Variants in CAMK2D observed in about 807,000 individuals in gnomAD.
The protein encoded by CAMK2D is calcium/calmodulin dependent protein kinase II delta, also known as calcium/calmodulin-dependent protein kinase type II subunit delta.
Under a neutral mutation model 84.0 loss-of-function variants are expected in CAMK2D, and 37 were observed. The ratio of observed to expected loss-of-function variants is 0.44; its 90% CI spans 0.34 to 0.58. The LOEUF is 0.58. CAMK2D is among the 20% of genes least tolerant of loss of function. The probability of loss-of-function intolerance (pLI) is 0.02; values close to 1 mark genes in which losing one functional copy is unlikely to be tolerated. For missense variants in CAMK2D, 448 were observed against 652.5 expected (o/e 0.69, Z 3.41); for synonymous variants, 202 against 212.5 (o/e 0.95, Z 0.43).
chr4:113,471,556 C>T lies in CAMK2D; in HGVS notation c.1136-5952G>A, dbSNP rs1232540390. 2.6e-5 allele frequency among the ~76,000 whole-genome samples: 4 copies of T among 152,228 alleles called. No individual in the cohort carries two copies. In the East Asian group the frequency reaches 5.8e-4, roughly 22 times the overall value. ...GTGGCATCATAATCTACTCAGCTGC[C>T]CAAACTGGAAGCCTTGCTATCTCCT... On this transcript the variant is annotated intron_variant, in intron 16 of 20. Transcript: ENST00000511664.
rs555140153 is a variant in CAMK2D, at chr4:113,545,466, G to T, written c.414+2178C>A. On this transcript the variant is annotated intron_variant, in intron 6 of 20. Coordinates refer to ENST00000511664, the MANE Select transcript of CAMK2D (RefSeq NM_001321571.2). ...TAGTAAAGGCAAGTTTTTGTTTAAG[G>T]CCTGGTAATAAAAAATTTCAGCACT... is the stretch of plus-strand genomic sequence containing the variant. 2.4e-4 allele frequency among the ~76,000 whole-genome samples: 37 copies of T among 152,204 alleles called. No homozygotes were observed. In the South Asian group the frequency reaches 4.4e-3, roughly 18 times the overall value.
chr4:113,654,257 T>C (rs1478715979), intron 3 of CAMK2D, among the ~76,000 whole-genome samples: 1 of 151,928 alleles, frequency 6.6e-6, no homozygotes, highest in Non-Finnish European at 1.5e-5. Context: ...GAAAAGAAAA[T>C]TATATAGATC....
chr4:113,692,827 C>T (rs1341418416), intron 2 of CAMK2D, among the ~76,000 whole-genome samples: 3 of 151,318 alleles, frequency 2.0e-5, no homozygotes, highest in Admixed American at 6.6e-5. Context: ...TGATATATTC[C>T]CTGGATACAA....
chr4:113,590,601 T>C (rs941096728), intron 4 of CAMK2D, among the ~76,000 whole-genome samples: 1 of 152,182 alleles, frequency 6.6e-6, no homozygotes, highest in Non-Finnish European at 1.5e-5. Context: ...TATAATTTTC[T>C]TCCAGTTCTA....
chr4:113,683,185 G>A (rs747812612), intron 2 of CAMK2D, among the ~76,000 whole-genome samples: 1 of 152,128 alleles, frequency 6.6e-6, no homozygotes, highest in Admixed American at 6.5e-5. Context: ...CTCAACTCCA[G>A]GTAATAGGCT....
intron 10 of CAMK2D, among the ~76,000 whole-genome samples, chr4:113,514,476 T>G (rs116268828): frequency 0.023 from 3,436 of 152,274 alleles, 75 homozygotes; most frequent in Non-Finnish European, 0.037. Context: ...TCAAATTATC[T>G]TTATTTTAAT....
chr4:113,556,140 C>G (rs1325962435), intron 4 of CAMK2D, among the ~76,000 whole-genome samples: 2 of 152,160 alleles, frequency 1.3e-5, no homozygotes, highest in Admixed American at 1.3e-4. Flanking sequence ...AAGTGCTGTT[C>G]TAAGTGCTCT....
intron 7 of CAMK2D, among the ~76,000 whole-genome samples, chr4:113,535,552 C>A (rs1473209942): frequency 6.6e-6 from 1 of 152,138 alleles, no homozygotes; most frequent in Non-Finnish European, 1.5e-5. Flanking sequence ...AATCCAAATC[C>A]TTCAAAAAAA....
At chr4:113,668,417 G>A (rs1220658666) in intron 2 of CAMK2D, among the ~76,000 whole-genome samples, 3 of 152,062 alleles carry the variant, frequency 2.0e-5, no homozygotes, top group Non-Finnish European at 4.4e-5. Flanking sequence ...TCCATAACAT[G>A]GGCATAAAAT....
At position 113,677,270 on chromosome 4, in the gene CAMK2D, T is replaced by C. The variant is rs145793471; in HGVS notation, c.161-15498A>G. On this transcript the variant is annotated intron_variant, in intron 2 of 20. Coordinates refer to ENST00000511664, the MANE Select transcript of CAMK2D (RefSeq NM_001321571.2). ...ATACTTGACCCATTTGTGATTTCTA[T>C]TTAGCTGAAAGATTTTTTTTAATGC... is the stretch of plus-strand genomic sequence containing the variant. 4.5e-3 allele frequency among the ~76,000 whole-genome samples: 678 copies of C among 152,278 alleles called. 6 individuals carry two copies. The highest frequency in any genetic ancestry group is 6.8e-3 in the Middle Eastern group (2 of 294).
chr4:113,661,083 C>A (rs2099229374), intron 3 of CAMK2D, among the ~76,000 whole-genome samples: 1 of 152,198 alleles, frequency 6.6e-6, no homozygotes, highest in Admixed American at 6.5e-5. Flanking sequence ...GCATGAGCCA[C>A]CGCGCCCGGC....
intron 2 of CAMK2D, among the ~76,000 whole-genome samples, chr4:113,679,185 G>GA (rs796090542): frequency 2.7e-5 from 4 of 149,246 alleles, no homozygotes; most frequent in South Asian, 2.1e-4. Flanking sequence ...ATGGAAAGGT[G>GA]AAAAAAAAAT....
intron 2 of CAMK2D, chr4:113,677,446 G>C (rs2099323029): frequency 5.3e-6 from 1 of 189,898 alleles, no homozygotes; most frequent in African/African-American, 2.4e-5. Flanking sequence ...CAGGAAGAAG[G>C]GGTATCAACA....
chr4:113,580,548 T>C (rs758107974), intron 4 of CAMK2D, among the ~76,000 whole-genome samples: 12 of 152,186 alleles, frequency 7.9e-5, no homozygotes, highest in Non-Finnish European at 1.6e-4. Context: ...GATTACTTCC[T>C]TAGCTGTAAA....
intron 4 of CAMK2D, among the ~76,000 whole-genome samples, chr4:113,585,757 A>G (rs2098831467): frequency 6.6e-6 from 1 of 151,804 alleles, no homozygotes; most frequent in African/African-American, 2.4e-5. Flanking sequence ...ATAGTATAGT[A>G]TAGATTAGTA....
rs369867487 is a variant in CAMK2D at position 113,630,178 on chromosome 4, T to G, written c.221-20972A>C. 2.7e-4 allele frequency among the ~76,000 whole-genome samples: 41 copies of G among 152,310 alleles called. 1 individual carries two copies. Among genetic ancestry groups the G allele is most frequent in the East Asian group, 1.3e-3 (7 of 5,194 alleles). On this transcript the variant is annotated intron_variant, in intron 3 of 20. Transcript: ENST00000511664. ...GAACTGTTTATACAGAGTTGAATTG[T>G]TTGGGCATGGAGGACAAAGCATAAA...
intron 4 of CAMK2D, among the ~76,000 whole-genome samples, chr4:113,589,641 G>C (rs13120754): frequency 0.019 from 2,862 of 152,232 alleles, 50 homozygotes; most frequent in Non-Finnish European, 0.029. Flanking sequence ...TTTGACCTTA[G>C]AGAGATGAGG....
chr4:113,611,950 T>C (rs1344048933), intron 3 of CAMK2D, among the ~76,000 whole-genome samples: 2 of 152,198 alleles, frequency 1.3e-5, no homozygotes, highest in Admixed American at 6.5e-5. Flanking sequence ...TCATATTTAC[T>C]TGGGATTAAT....
intron 3 of CAMK2D, among the ~76,000 whole-genome samples, chr4:113,611,278 A>G (rs955954932): frequency 2.0e-5 from 3 of 152,172 alleles, no homozygotes; most frequent in African/African-American, 7.2e-5. Flanking sequence ...AAGCTGGGCC[A>G]TGGATGATAG....
Sources: gnomAD v4.1 joint callset for allele counts (sites outside exome capture counted in the v4.1 genomes callset) on GRCh38, gnomAD v4.1.1 for gene constraint, MANE v1.5 for transcripts, NCBI Gene and HGNC (gene_info 2026-07-23, HGNC 2026-07-21) for gene names.